The following ATP9B variants were observed in gnomAD, a reference collection of about 807,000 sequenced individuals.
ATP9B encodes probable phospholipid-transporting ATPase IIB.
A neutral mutation model predicts 146.1 loss-of-function variants in ATP9B; 110 were observed. The observed-to-expected ratio is 0.75, with a 90% CI of 0.65 to 0.88. The LOEUF (loss-of-function observed/expected upper bound fraction) is 0.88, where lower values mean the gene tolerates loss of function less well. Among genes scored for constraint, ATP9B ranks in the 40% least tolerant of loss-of-function variants. The probability of loss-of-function intolerance (pLI) is 0.00; values close to 1 mark genes in which losing one functional copy is unlikely to be tolerated. For missense variants in ATP9B, 1,499 were observed against 1,496.4 expected (o/e 1.00, Z -0.03); for synonymous variants, 604 against 569.7 (o/e 1.06, Z -0.86).
intron 15 of ATP9B, among the ~76,000 whole-genome samples, chr18:79,325,803 A>C (rs2096741136): frequency 6.6e-6 from 1 of 152,188 alleles, no homozygotes; most frequent in Non-Finnish European, 1.5e-5. Flanking sequence ...CAGAGCCAGA[A>C]GAGACATGGC....
chr18:79,282,977 C>T (rs914688628), intron 13 of ATP9B, among the ~76,000 whole-genome samples: 1 of 152,226 alleles, frequency 6.6e-6, no homozygotes, highest in African/African-American at 2.4e-5. Flanking sequence ...AAATACAAAT[C>T]ACTCTCAACT....
intron 8 of ATP9B, among the ~76,000 whole-genome samples, chr18:79,179,462 T>C (rs2095223336): frequency 6.6e-6 from 1 of 152,294 alleles, no homozygotes; most frequent in South Asian, 2.1e-4. Context: ...AATTTTGATT[T>C]ATTTAGTTAA....
intron 17 of ATP9B, among the ~76,000 whole-genome samples, chr18:79,336,162 CCT>C (rs2096824954): frequency 7.5e-6 from 1 of 133,834 alleles, no homozygotes; most frequent in Non-Finnish European, 1.7e-5. Context: ...CCGTGTGCAC[CCT>C]CTGTGCCCTC....
intron 9 of ATP9B, among the ~76,000 whole-genome samples, chr18:79,200,785 T>TGGGAACGTTGG (rs1345023937): frequency 7.4e-5 from 1 of 13,528 alleles, no homozygotes; most frequent in Non-Finnish European, 1.7e-4. Context: ...GCAGAAGTAG[T>TGGGAACGTTGG]GGTGGAATTG....
chr18:79,200,913 G>T (rs2095480577), intron 9 of ATP9B, among the ~76,000 whole-genome samples: 2 of 152,184 alleles, frequency 1.3e-5, no homozygotes, highest in Non-Finnish European at 2.9e-5. Context: ...GCTGGCTGTT[G>T]CCCTGGCTGC....
chr18:79,077,390 C>T (rs2072745920), intron 1 of ATP9B, among the ~76,000 whole-genome samples: 1 of 152,126 alleles, frequency 6.6e-6, no homozygotes, highest in Non-Finnish European at 1.5e-5. Flanking sequence ...GTGGTCTCTG[C>T]TAACAATACC....
chr18:79,188,984 T>C (rs1434252159), intron 8 of ATP9B, among the ~76,000 whole-genome samples: 8 of 152,146 alleles, frequency 5.3e-5, no homozygotes, highest in Admixed American at 2.6e-4. Flanking sequence ...AACTAGAGTT[T>C]GCAATATGCC....
At chr18:79,162,657 A>G (rs976406045) in intron 7 of ATP9B, among the ~76,000 whole-genome samples, 3 of 151,756 alleles carry the variant, frequency 2.0e-5, no homozygotes, top group Non-Finnish European at 4.4e-5. Flanking sequence ...TCTTGCTACC[A>G]GCTTGAAAAT....
intron 2 of ATP9B, among the ~76,000 whole-genome samples, chr18:79,105,175 A>G (rs559826876): frequency 5.9e-5 from 9 of 152,322 alleles, no homozygotes; most frequent in South Asian, 2.1e-4. Flanking sequence ...GAACCAAACT[A>G]TACATTTAGC....
intron 15 of ATP9B, among the ~76,000 whole-genome samples, chr18:79,318,254 G>T (rs1054159896): frequency 6.6e-6 from 1 of 152,238 alleles, no homozygotes; most frequent in Non-Finnish European, 1.5e-5. Flanking sequence ...GTGAAAAGGG[G>T]AAAGGAAGAG....
chr18:79,253,364 A>G lies in ATP9B; in HGVS notation c.1108-17A>G. 6.2e-7 allele frequency: 1 copy of G among 1,603,146 alleles called. No homozygotes were observed. Reference sequence around the variant, plus strand: ...ATTGTGGTTAGCTTGTTCATGTATTATGTGTTTTTCTTTCAGGTTGGTTTG... The same window carrying G: ...ATTGTGGTTAGCTTGTTCATGTATTGTGTGTTTTTCTTTCAGGTTGGTTTG... On this transcript the variant is annotated splice_polypyrimidine_tract_variant and intron_variant, in intron 11 of 29. Transcript: ENST00000426216.
chr18:79,201,093 G>A (rs1036444526), intron 9 of ATP9B, among the ~76,000 whole-genome samples: 11 of 152,112 alleles, frequency 7.2e-5, no homozygotes, highest in Non-Finnish European at 1.5e-4. Flanking sequence ...ACTTATTTGT[G>A]GTTTTCAAGC....
Position 79,375,415 on chromosome 18 carries a change from G to A in ATP9B, c.3296G>A (p.Gly1099Glu). 1 of 1,612,856 alleles carries A rather than the reference G, an allele frequency of 6.2e-7. No individual in the cohort carries two copies. Among genetic ancestry groups the A allele is most frequent in the Non-Finnish European group, 8.5e-7 (1 of 1,178,990 alleles). Residue 1099 changes from glycine (G) to glutamate (E), a missense_variant, in exon 29 of 30, where the codon GGA becomes GAA. Gly to Glu is a moderately conservative substitution (Grantham distance 98). Transcript: ENST00000426216. ...EYFGIGRVSFGAFLDVAFITT... is the reference protein window; with the variant it reads ...EYFGIGRVSFEAFLDVAFITT... Reference sequence around the variant, plus strand: ...ACAGGTATAGGCAGAGTGTCTTTTGGAGCTTTCTTAGGTAGGTAAAGTTAT... The same window carrying A: ...ACAGGTATAGGCAGAGTGTCTTTTGAAGCTTTCTTAGGTAGGTAAAGTTAT...
intron 7 of ATP9B, among the ~76,000 whole-genome samples, chr18:79,160,962 G>A (rs535563354): frequency 6.6e-6 from 1 of 152,204 alleles, no homozygotes; most frequent in Non-Finnish European, 1.5e-5. Flanking sequence ...TAGAGATGGG[G>A]TTTTACCACG....
chr18:79,163,029 A>G (rs1302616578), intron 7 of ATP9B, among the ~76,000 whole-genome samples: 2 of 152,246 alleles, frequency 1.3e-5, no homozygotes, highest in East Asian at 3.8e-4. Flanking sequence ...CTGTAATAGG[A>G]TATAAGCAGG....
At chr18:79,361,785 G>C in intron 26 of ATP9B, 1 of 985,460 alleles carries the variant, frequency 1.0e-6, no homozygotes, top group South Asian at 4.7e-5. Flanking sequence ...GTTGTCTGAT[G>C]ATCGGGGCAG....
At chr18:79,245,913 T>TG in intron 11 of ATP9B, among the ~76,000 whole-genome samples, 1 of 29,438 alleles carries the variant, frequency 3.4e-5, no homozygotes. Flanking sequence ...GGCACCGCCC[T>TG]ACTGACTGTG....
At chr18:79,290,899 AC>A (rs1295869564) in intron 13 of ATP9B, among the ~76,000 whole-genome samples, 2 of 152,138 alleles carry the variant, frequency 1.3e-5, no homozygotes, top group Non-Finnish European at 2.9e-5. Flanking sequence ...TCTCAGTGTT[AC>A]CTTTCTTTAT....
intron 7 of ATP9B, among the ~76,000 whole-genome samples, chr18:79,157,689 A>G (rs538538105): frequency 2.0e-5 from 3 of 152,244 alleles, no homozygotes; most frequent in South Asian, 2.1e-4. Flanking sequence ...CAGATTATCT[A>G]TTTCTTTCCA....
Sources: gnomAD v4.1 joint callset for allele counts (sites outside exome capture counted in the v4.1 genomes callset) on GRCh38, gnomAD v4.1.1 for gene constraint, MANE v1.5 for transcripts, NCBI Gene and HGNC (gene_info 2026-07-23, HGNC 2026-07-21) for gene names.